The following MMEL1 variants were observed in gnomAD, a reference collection of about 807,000 sequenced individuals.
MMEL1 encodes membrane metallo-endopeptidase-like 1.
Under a neutral mutation model 117.1 loss-of-function variants are expected in MMEL1, and 98 were observed. The observed-to-expected ratio is 0.84, with a 90% confidence interval of 0.71 to 0.99. The LOEUF (loss-of-function observed/expected upper bound fraction) is 0.99, where lower values mean the gene tolerates loss of function less well. Ranked by LOEUF, MMEL1 falls within the 50% of genes least tolerant of loss-of-function variation. The pLI is 0.00. For missense variants in MMEL1, 1,014 were observed against 1,049.1 expected, an observed-to-expected ratio of 0.97 and a Z score of 0.46; for synonymous variants, 390 against 415.1, an observed-to-expected ratio of 0.94 and a Z score of 0.74.
At chr1:2,593,161 C>G (rs1644771116) in intron 19 of MMEL1, among the ~76,000 whole-genome samples, 195 bp from the exon 20 acceptor site, 1 of 152,198 alleles carries the variant, frequency 6.6e-6, no homozygotes, top group Non-Finnish European at 1.5e-5. Context: ...GCTACACAGC[C>G]CCCAGAGAAG....
At chr1:2,605,951 G>A (rs974011526) in intron 8 of MMEL1, among the ~76,000 whole-genome samples, 1 of 152,204 alleles carries the variant, frequency 6.6e-6, no homozygotes, top group Non-Finnish European at 1.5e-5. Flanking sequence ...GTGGCCAGCA[G>A]TGGATCCCTG....
chr1:2,624,868 A>C (rs987500507), intron 2 of MMEL1, among the ~76,000 whole-genome samples: 1 of 152,208 alleles, frequency 6.6e-6, no homozygotes, highest in Non-Finnish European at 1.5e-5. Context: ...CGCCTGAGGA[A>C]GCTTACAATC....
At chr1:2,593,055 C>T in intron 19 of MMEL1, 89 bp from the exon 20 acceptor site, 3 of 1,519,084 alleles carry the variant, frequency 2.0e-6, no homozygotes, top group South Asian at 1.2e-5. Context: ...CCGCTCCTGC[C>T]CCTCCTGCAG....
chr1:2,609,517 C>T (rs1337357819), intron 5 of MMEL1, 98 bp from the exon 6 acceptor site: 27 of 1,509,642 alleles, frequency 1.8e-5, no homozygotes, highest in Non-Finnish European at 2.4e-5. Context: ...GAGAGGCGGC[C>T]CCCCAGCTGC....
chr1:2,629,654 C>T (rs1212594344), intron 1 of MMEL1, 133 bp from the exon 2 acceptor site: 1 of 756,428 alleles, frequency 1.3e-6, no homozygotes, highest in Non-Finnish European at 2.0e-6. Context: ...TCTCCCTCTC[C>T]AAGCTCACAA....
chr1:2,605,606 C>A lies in MMEL1; in HGVS notation c.768G>T (p.Leu256Phe). Residue 256 changes from leucine to phenylalanine, a missense_variant, in exon 9 of 24, where the codon TTG becomes TTT. Coordinates refer to ENST00000378412, the MANE Select transcript of MMEL1 (RefSeq NM_033467.4). ...RHIIYIDQPT[L>F]GMPSREYYFN... ...AGTAGTACTCTCGGGAGGGCATGCC[C>A]AAGGTGGGCTGGTCTATCTGGAAAT... 6.2e-7 allele frequency: 1 copy of A among 1,612,706 alleles called. No individual in the cohort carries two copies.
intron 2 of MMEL1, among the ~76,000 whole-genome samples, chr1:2,616,123 T>C (rs1290506954): frequency 6.6e-6 from 1 of 151,882 alleles, no homozygotes; most frequent in Non-Finnish European, 1.5e-5. Context: ...ATTGCTTGAG[T>C]CCAGGAGTTG....
At chr1:2,627,580 T>C (rs1638334660) in intron 2 of MMEL1, among the ~76,000 whole-genome samples, 1 of 152,024 alleles carries the variant, frequency 6.6e-6, no homozygotes, top group Admixed American at 6.5e-5. Context: ...AAGAACCACA[T>C]AAATAATGGC....
chr1:2,591,677 T>TGGTGGGGG, intron 22 of MMEL1, 44 bp from the exon 23 acceptor site: 1 of 441,124 alleles, frequency 2.3e-6, no homozygotes, highest in Non-Finnish European at 4.1e-6. Flanking sequence ...CGTGGTGGGG[T>TGGTGGGGG]GGCCAGGAGG....
intron 2 of MMEL1, 149 bp downstream of exon 2, chr1:2,629,182 C>T (rs1638416057): frequency 2.4e-6 from 2 of 818,442 alleles, no homozygotes; most frequent in Admixed American, 3.9e-5. Flanking sequence ...AGCTCGGCCC[C>T]GGGAGCCCCT....
At chr1:2,627,744 A>G (rs1455723904) in intron 2 of MMEL1, among the ~76,000 whole-genome samples, 3 of 152,254 alleles carry the variant, frequency 2.0e-5, no homozygotes, top group Non-Finnish European at 2.9e-5. Context: ...ACAGAAATAA[A>G]TGATAATAAC....
At chr1:2,629,826 CCCCT>C (rs1638461668) in intron 1 of MMEL1, 1 of 224,190 alleles carries the variant, frequency 4.5e-6, no homozygotes, top group Non-Finnish European at 8.7e-6. Context: ...TGGAGCCCCC[CCCCT>C]GGGCTGCTCA....
chr1:2,623,254 T>C (rs1390584872), intron 2 of MMEL1, among the ~76,000 whole-genome samples: 1 of 152,190 alleles, frequency 6.6e-6, no homozygotes, highest in African/African-American at 2.4e-5. Flanking sequence ...TAAATGCTTG[T>C]ATTGTTTGGA....
chr1:2,593,021 C>T, intron 19 of MMEL1, 55 bp from the exon 20 acceptor site: 3 of 1,589,562 alleles, frequency 1.9e-6, no homozygotes, highest in Non-Finnish European at 1.7e-6. Context: ...CTGTGCCTGG[C>T]CCCACGGCAG....
In MMEL1 at chr1:2,595,077, G is replaced by A. The variant is rs940075551; in HGVS notation, c.1585-184C>T. ...TGGGCATTTACATGACTCTGAGCAA[G>A]TCCCTCGTCCCTCCAGGCCTCAGTT... On this transcript the variant is annotated intron_variant, in intron 16 of 23. Transcript: ENST00000378412. This position sits in a 1 kb window ranked among gnomAD's most constrained non-coding sequence, Gnocchi z 4.8. Among the ~76,000 whole-genome samples the A allele has an allele frequency of 6.6e-6, 1 of 152,232 alleles. No individual in the cohort carries two copies. Among genetic ancestry groups the A allele is most frequent in the Non-Finnish European group, 1.5e-5 (1 of 68,040 alleles).
Position 2,594,414 on chromosome 1 carries a change from G to T in MMEL1, c.1718C>A (p.Ala573Glu), listed in dbSNP as rs1276209480. 6 of 1,551,702 alleles carry T rather than the reference G, an allele frequency of 3.9e-6. No homozygotes were observed. In the Middle Eastern group the frequency reaches 5.0e-4, roughly 129 times the overall value. ...CTGGTTTCGGTTTGGGGAGTAGAAC[G>T]CATTGACCACCGCCGCCCCGATGAT... ...LWIIGAAVVN[A>E]FYSPNRNQIV... Residue 573 changes from alanine (A) to glutamate (E), a missense_variant, in exon 18 of 24, where the codon GCG (alanine) becomes GAG (glutamate). Physicochemically the swap from Ala to Glu is moderately radical, Grantham distance 107. Coordinates refer to ENST00000378412, the MANE Select transcript of MMEL1 (RefSeq NM_033467.4).
chr1:2,611,931 A>G lies in MMEL1; in HGVS notation c.232+196T>C, dbSNP rs571966891. On this transcript the variant is annotated intron_variant, in intron 3 of 23. Coordinates refer to ENST00000378412, the MANE Select transcript of MMEL1 (RefSeq NM_033467.4). ...ACGCAGGAGCAGGTGCGGAGTGTCC[A>G]CAGTGCCCAGTAAGCCTCCTGCGTC... Among the ~76,000 whole-genome samples, 98 of 152,180 alleles carry G rather than the reference A, an allele frequency of 6.4e-4. 2 individuals are homozygous for G. Among genetic ancestry groups the G allele is most frequent in the African/African-American group, 2.2e-3 (91 of 41,532 alleles).
chr1:2,627,152 A>C (rs974523368), intron 2 of MMEL1, among the ~76,000 whole-genome samples: 1 of 152,296 alleles, frequency 6.6e-6, no homozygotes, highest in African/African-American at 2.4e-5. Flanking sequence ...CAGTTTCACG[A>C]AGTGAAAGAT....
At chr1:2,621,861 C>T (rs1645295250) in intron 2 of MMEL1, among the ~76,000 whole-genome samples, 1 of 152,126 alleles carries the variant, frequency 6.6e-6, no homozygotes, top group African/African-American at 2.4e-5. Flanking sequence ...TGTGCCCAGC[C>T]ATATCTTACA....
Sources: allele counts gnomAD v4.1 joint callset (sites outside exome capture counted in the v4.1 genomes callset), GRCh38; gene constraint gnomAD v4.1.1; non-coding constraint Gnocchi (gnomAD v3.1); transcripts MANE v1.5; gene names NCBI Gene and HGNC (gene_info 2026-07-23, HGNC 2026-07-21).